IL3RA: variants seen among roughly 807,000 people sequenced by gnomAD.
The protein encoded by IL3RA is interleukin 3 receptor subunit alpha.
IL3RA carries 73 observed loss-of-function variants against 52.3 expected under a neutral mutation model. The ratio of observed to expected loss-of-function variants is 1.40; its 90% CI spans 1.16 to 1.70. The LOEUF is 1.70. IL3RA is among the 40% of genes most tolerant of loss of function. The probability of loss-of-function intolerance (pLI) is 0.00; values close to 1 mark genes in which losing one functional copy is unlikely to be tolerated. For synonymous variants in IL3RA, 260 were observed against 194.0 expected (o/e 1.34, Z -2.83); for missense variants, 664 against 504.4 (o/e 1.32, Z -3.03).
At chrX:1,348,007 A>G in intron 3 of IL3RA, among the ~76,000 whole-genome samples, 1 of 141,134 alleles carries the variant, frequency 7.1e-6, no homozygotes, top group Non-Finnish European at 1.5e-5. Flanking sequence ...CCTGCACTCC[A>G]GCCTGGGCGA....
chrX:1,343,775 C>CT (rs763658712), intron 2 of IL3RA, among the ~76,000 whole-genome samples: 347 of 128,822 alleles, frequency 2.7e-3, no homozygotes, highest in East Asian at 9.0e-3. Flanking sequence ...TTCTTTCTTT[C>CT]TTTTTTTTTT....
chrX:1,354,102 T>G (rs2086420865), intron 6 of IL3RA, among the ~76,000 whole-genome samples: 1 of 147,642 alleles, frequency 6.8e-6, no homozygotes, highest in Non-Finnish European at 1.5e-5. Flanking sequence ...GAATCCCTCA[T>G]CATGGGTCAT....
At chrX:1,362,081 TCTCTGTCTCTCTCTGTCCATCACCCA>T (rs1227035583) in intron 8 of IL3RA, among the ~76,000 whole-genome samples, 3 of 151,760 alleles carry the variant, frequency 2.0e-5, no homozygotes, top group African/African-American at 7.3e-5. Context: ...TCCGTTTCTA[TCTCTGTCTCTCTCTGTCCATCACCCA>T]CTCTGTCTCT....
At chrX:1,354,306 A>C (rs1186655864) in intron 6 of IL3RA, among the ~76,000 whole-genome samples, 3 of 151,962 alleles carry the variant, frequency 2.0e-5, no homozygotes, top group Admixed American at 6.6e-5. Flanking sequence ...AAGGACACAC[A>C]CTTTCAGTCC....
At chrX:1,367,403 C>T (rs1413081265) in intron 9 of IL3RA, among the ~76,000 whole-genome samples, 1 of 49,374 alleles carries the variant, frequency 2.0e-5, no homozygotes, top group Non-Finnish European at 3.6e-5. Context: ...GCGGGGTGCG[C>T]GGGGTGAGCC....
intron 3 of IL3RA, among the ~76,000 whole-genome samples, chrX:1,348,117 C>G (rs2085849386): frequency 1.3e-5 from 2 of 150,072 alleles, no homozygotes; most frequent in Admixed American, 6.7e-5. Flanking sequence ...GAGGCTGAGG[C>G]AGGCGGATCA....
intron 3 of IL3RA, among the ~76,000 whole-genome samples, chrX:1,347,673 A>G (rs1385536665): frequency 6.6e-6 from 1 of 151,634 alleles, no homozygotes; most frequent in Non-Finnish European, 1.5e-5. Flanking sequence ...ACAAAGCAAA[A>G]CAAACAGAAA....
intron 7 of IL3RA, 44 bp from the exon 8 acceptor site, chrX:1,358,817 G>A (rs144708942): frequency 0.012 from 19,823 of 1,611,120 alleles, 243 homozygotes; most frequent in Middle Eastern, 0.036. Context: ...AGGCTTTCAG[G>A]GACGGTCCAG....
At chrX:1,348,352 T>C in intron 3 of IL3RA, 79 bp from the exon 4 acceptor site, 2 of 1,164,662 alleles carry the variant, frequency 1.7e-6, no homozygotes, top group Non-Finnish European at 2.6e-6. Context: ...AAACTCTGCC[T>C]CAAAAAAAAT....
chrX:1,382,597 A>T lies in IL3RA; in HGVS notation c.*132A>T. The T allele has an allele frequency of 1.3e-6, 1 of 784,554 alleles. No homozygotes were observed. Among genetic ancestry groups the T allele is most frequent in the Admixed American group, 2.1e-5 (1 of 48,230 alleles). The allele number at this position is 784,554 out of a possible 1,614,324, so 48.6% of individuals were successfully genotyped here. ...TCCTAACGGGTGGTGGGCATGGGAG[A>T]TGCCTGTGTAATTTCGTCCGAAGCT... On this transcript the variant is annotated 3_prime_UTR_variant, in exon 12 of 12. Coordinates refer to ENST00000331035, the MANE Select transcript of IL3RA (RefSeq NM_002183.4).
intron 11 of IL3RA, among the ~76,000 whole-genome samples, chrX:1,381,505 C>T (rs28585015): frequency 0.4 from 60,393 of 151,382 alleles, 12,697 homozygotes; most frequent in African/African-American, 0.5. Context: ...GATCACGGGC[C>T]GTCTCCGCAC....
intron 4 of IL3RA, 99 bp downstream of exon 4, chrX:1,348,644 C>CTCTTTCTTTCTTTCTTTCTTTCCT (rs2085895382): frequency 4.0e-6 from 2 of 496,828 alleles, no homozygotes; most frequent in Non-Finnish European, 6.8e-6. Context: ...TTTTCTTTTT[C>CTCTTTCTTTCTTTCTTTCTTTCCT]TCTTTCTTTC....
intron 9 of IL3RA, among the ~76,000 whole-genome samples, chrX:1,367,710 G>GGGGTGAGCCGGGTGCGCC (rs2088240605): frequency 8.8e-6 from 1 of 114,102 alleles, no homozygotes; most frequent in Non-Finnish European, 1.8e-5. Flanking sequence ...CCGGGTGCGC[G>GGGGTGAGCCGGGTGCGCC]GGGTGAGCGG....
chrX:1,377,910 G>T (rs2088900184), intron 9 of IL3RA, among the ~76,000 whole-genome samples: 1 of 150,698 alleles, frequency 6.6e-6, no homozygotes, highest in Admixed American at 6.6e-5. Context: ...AAATAGGCCG[G>T]GTGCGTGGCT....
chrX:1,362,553 C>T (rs2087531504), intron 8 of IL3RA, among the ~76,000 whole-genome samples: 1 of 151,810 alleles, frequency 6.6e-6, no homozygotes, highest in South Asian at 2.1e-4. Context: ...TCTGTCTCCC[C>T]TCTCTGTGTC....
chrX:1,362,420 T>C (rs1338710584), intron 8 of IL3RA, among the ~76,000 whole-genome samples: 6 of 150,720 alleles, frequency 4.0e-5, no homozygotes, highest in Non-Finnish European at 7.4e-5. Flanking sequence ...TTTCCCTCTG[T>C]CTCCCTTCTC....
intron 8 of IL3RA, among the ~76,000 whole-genome samples, chrX:1,361,728 G>A: frequency 7.0e-6 from 1 of 142,792 alleles, no homozygotes; most frequent in South Asian, 2.2e-4. Flanking sequence ...ACTCCAGCCT[G>A]GGTGACAGAG....
At chrX:1,343,778 T>C (rs1486245663) in intron 2 of IL3RA, among the ~76,000 whole-genome samples, 1 of 145,442 alleles carries the variant, frequency 6.9e-6, no homozygotes, top group Non-Finnish European at 1.5e-5. Flanking sequence ...TTTCTTTCTT[T>C]TTTTTTTTTT....
chrX:1,353,562 CATCATAGGT>C, intron 6 of IL3RA, among the ~76,000 whole-genome samples: 1 of 147,324 alleles, frequency 6.8e-6, no homozygotes, highest in South Asian at 2.1e-4. Context: ...TAGGATCCCC[CATCATAGGT>C]CCCATCATGG....
Sources: allele counts gnomAD v4.1 joint callset (sites outside exome capture counted in the v4.1 genomes callset), GRCh38; gene constraint gnomAD v4.1.1; transcripts MANE v1.5; gene names NCBI Gene and HGNC (gene_info 2026-07-23, HGNC 2026-07-21).